Variants in CENPP observed in about 807,000 individuals in gnomAD.
CENPP encodes the protein centromere protein P.
In CENPP, 24 loss-of-function variants were observed where a neutral mutation model predicts 35.6. That is an observed-to-expected ratio of 0.67 (90% CI 0.49 to 0.95). The LOEUF (loss-of-function observed/expected upper bound fraction) is 0.95, where lower values mean the gene tolerates loss of function less well. Among genes scored for constraint, CENPP ranks in the 40% least tolerant of loss-of-function variants. The pLI is 0.00. For missense variants in CENPP, 332 were observed against 345.3 expected, an observed-to-expected ratio of 0.96 and a Z score of 0.31; for synonymous variants, 120 against 125.5, an observed-to-expected ratio of 0.96 and a Z score of 0.29.
At chr9:92,362,988 A>G (rs1411448253) in intron 4 of CENPP, among the ~76,000 whole-genome samples, 1 of 152,106 alleles carries the variant, frequency 6.6e-6, no homozygotes, top group African/African-American at 2.4e-5. Context: ...TCCATGTGTT[A>G]ATTCCTTATT....
chr9:92,552,089 G>GTT (rs1849620319), intron 5 of CENPP, among the ~76,000 whole-genome samples: 2 of 136,486 alleles, frequency 1.5e-5, no homozygotes, highest in East Asian at 2.1e-4. Context: ...TCATATATGT[G>GTT]ATATGATAGA....
rs111539473 is a variant in CENPP, at chr9:92,536,348, G to A, written c.565-74966G>A. Among the ~76,000 whole-genome samples the A allele has an allele frequency of 1.3e-4, 20 of 152,250 alleles. 1 individual carries two copies. The highest frequency in any genetic ancestry group is 4.8e-4 in the African/African-American group (20 of 41,544). Reference sequence around the variant, plus strand: ...TAAAGTTTATACTAGCCAGGATGATGTCACTTGAGCTTTATCAGATTATAG... The same window carrying A: ...TAAAGTTTATACTAGCCAGGATGATATCACTTGAGCTTTATCAGATTATAG... On this transcript the variant is annotated intron_variant, in intron 5 of 7. Coordinates refer to ENST00000375587, the MANE Select transcript of CENPP (RefSeq NM_001012267.3).
intron 5 of CENPP, among the ~76,000 whole-genome samples, chr9:92,583,430 C>T (rs1261337142): frequency 1.3e-5 from 2 of 152,050 alleles, no homozygotes; most frequent in Admixed American, 6.5e-5. Context: ...ATTAATCTGT[C>T]GGTATGTATT....
chr9:92,572,377 G>C (rs994361967), intron 5 of CENPP, among the ~76,000 whole-genome samples: 4 of 152,188 alleles, frequency 2.6e-5, no homozygotes, highest in African/African-American at 9.7e-5. Flanking sequence ...TGAAATTCTG[G>C]GTTGAAAATT....
At chr9:92,434,629 C>G (rs980309872) in intron 5 of CENPP, among the ~76,000 whole-genome samples, 6 of 152,074 alleles carry the variant, frequency 3.9e-5, no homozygotes, top group African/African-American at 1.4e-4. Context: ...AAGGAATCAT[C>G]TTTTTAACAA....
intron 5 of CENPP, among the ~76,000 whole-genome samples, chr9:92,483,471 G>T (rs1845976857): frequency 6.6e-6 from 1 of 152,062 alleles, no homozygotes; most frequent in Admixed American, 6.5e-5. Context: ...CTCGTGATCT[G>T]CCCGCCTCGG....
intron 5 of CENPP, among the ~76,000 whole-genome samples, chr9:92,407,277 A>C (rs1843331507): frequency 6.6e-6 from 1 of 152,128 alleles, no homozygotes; most frequent in Non-Finnish European, 1.5e-5. Flanking sequence ...CTTATCCTAC[A>C]TCACGTGGTT....
chr9:92,475,754 T>C (rs150429702), intron 5 of CENPP, among the ~76,000 whole-genome samples: 15 of 152,350 alleles, frequency 9.8e-5, no homozygotes, highest in Non-Finnish European at 1.6e-4. Context: ...TTCCTTCTAA[T>C]CTGTTCCATT....
intron 5 of CENPP, among the ~76,000 whole-genome samples, chr9:92,560,928 C>T (rs547829931): frequency 7.7e-6 from 1 of 129,756 alleles, no homozygotes; most frequent in South Asian, 2.5e-4. Context: ...ATCTGCTCTT[C>T]TACTTTTCTG....
chr9:92,387,695 C>G (rs1842491373), intron 5 of CENPP, among the ~76,000 whole-genome samples: 1 of 152,134 alleles, frequency 6.6e-6, no homozygotes, highest in Admixed American at 6.5e-5. Flanking sequence ...GTAGAATAAC[C>G]TAATTCTACT....
At chr9:92,472,025 C>G (rs1350353338) in intron 5 of CENPP, among the ~76,000 whole-genome samples, 1 of 152,190 alleles carries the variant, frequency 6.6e-6, no homozygotes, top group Non-Finnish European at 1.5e-5. Context: ...TATCAACATT[C>G]TATCCTACAG....
intron 5 of CENPP, among the ~76,000 whole-genome samples, chr9:92,606,401 T>C (rs749788548): frequency 3.9e-5 from 6 of 152,166 alleles, no homozygotes; most frequent in South Asian, 2.1e-4. Flanking sequence ...GATGGGGCTA[T>C]GGAGAAATCA....
chr9:92,370,391 T>C (rs1202537150), intron 4 of CENPP, among the ~76,000 whole-genome samples: 1 of 152,192 alleles, frequency 6.6e-6, no homozygotes, highest in Non-Finnish European at 1.5e-5. Flanking sequence ...TTCAGGAGGA[T>C]AAATATTAGT....
intron 5 of CENPP, among the ~76,000 whole-genome samples, chr9:92,408,853 C>T (rs1174029210): frequency 6.6e-6 from 1 of 152,154 alleles, no homozygotes; most frequent in Non-Finnish European, 1.5e-5. Flanking sequence ...ACTAGATACA[C>T]ATAGACCCTT....
At chr9:92,495,186 C>CTA (rs1423893116) in intron 5 of CENPP, 1 of 274,280 alleles carries the variant, frequency 3.6e-6, no homozygotes, top group Admixed American at 6.5e-5. Context: ...TTAGAGAAAC[C>CTA]TATGCAATGA....
chr9:92,514,831 TCCTCCTCACCCTCCTCAC>T (rs762598771), intron 5 of CENPP: 2 of 1,611,928 alleles, frequency 1.2e-6, no homozygotes, highest in Non-Finnish European at 1.7e-6. Flanking sequence ...GTCCTCCTCA[TCCTCCTCACCCTCCTCAC>T]CCTCCTCCTC....
chr9:92,489,207 G>A (rs987131236), intron 5 of CENPP, among the ~76,000 whole-genome samples: 2 of 152,186 alleles, frequency 1.3e-5, no homozygotes, highest in African/African-American at 4.8e-5. Flanking sequence ...AATCAAACAT[G>A]GACTAATTCA....
intron 5 of CENPP, chr9:92,514,494 C>G: frequency 8.2e-7 from 1 of 1,213,348 alleles, no homozygotes; most frequent in Non-Finnish European, 1.1e-6. Flanking sequence ...AGGCTGGTCT[C>G]AAACCCCTGA....
chr9:92,330,245 A>T (rs1486612468), intron 1 of CENPP, among the ~76,000 whole-genome samples: 1 of 152,226 alleles, frequency 6.6e-6, no homozygotes, highest in East Asian at 1.9e-4. Context: ...TTATTAACAA[A>T]TGTAGGGTAA....
Sources: gnomAD v4.1 joint callset for allele counts (sites outside exome capture counted in the v4.1 genomes callset) on GRCh38, gnomAD v4.1.1 for gene constraint, MANE v1.5 for transcripts, NCBI Gene and HGNC (gene_info 2026-07-23, HGNC 2026-07-21) for gene names.